Variants in STK39 observed in about 807,000 individuals in gnomAD.
The protein encoded by STK39 is serine/threonine kinase 39, also known as STE20/SPS1-related proline-alanine-rich protein kinase.
In STK39, 20 loss-of-function variants were observed where a neutral mutation model predicts 77.8. The ratio of observed to expected loss-of-function variants is 0.26; its 90% CI spans 0.18 to 0.37. The LOEUF (loss-of-function observed/expected upper bound fraction) is 0.37, where lower values mean the gene tolerates loss of function less well. STK39 is among the 10% of genes least tolerant of loss of function. The probability of loss-of-function intolerance (pLI) is 1.00; values close to 1 mark genes in which losing one functional copy is unlikely to be tolerated. For missense variants in STK39, 479 were observed against 656.5 expected (o/e 0.73, Z 2.95); for synonymous variants, 246 against 234.1 (o/e 1.05, Z -0.47).
intron 1 of STK39, among the ~76,000 whole-genome samples, chr2:168,202,459 A>G (rs1437243001): frequency 1.3e-5 from 2 of 152,172 alleles, no homozygotes; most frequent in African/African-American, 2.4e-5. Context: ...TGAGAAAACT[A>G]AGGCCCAAAG....
Position 168,194,831 on chromosome 2 carries a change from A to C in STK39, c.209-12741T>G, listed in dbSNP as rs1289723173. 2.0e-5 allele frequency among the ~76,000 whole-genome samples: 3 copies of C among 152,314 alleles called. No homozygotes were observed. The East Asian group carries it at 5.8e-4, about 29-fold the overall frequency. ...GCTATGTCTAAATTCAACCTATACA[A>C]GTTACTGGGTATGATATTATAAGAA... On this transcript the variant is annotated intron_variant, in intron 1 of 17. Transcript: ENST00000355999.
At chr2:168,206,592 C>T (rs1689749981) in intron 1 of STK39, among the ~76,000 whole-genome samples, 1 of 152,164 alleles carries the variant, frequency 6.6e-6, no homozygotes. Context: ...TGAGCCACCA[C>T]GCCCGGCTGA....
chr2:168,104,488 A>C, intron 10 of STK39, among the ~76,000 whole-genome samples: 1 of 152,174 alleles, frequency 6.6e-6, no homozygotes, highest in East Asian at 1.9e-4. Flanking sequence ...AGGAACTGTG[A>C]AGGTGTGAGC....
At chr2:167,980,711 C>T (rs1461059405) in intron 16 of STK39, among the ~76,000 whole-genome samples, 1 of 150,662 alleles carries the variant, frequency 6.6e-6, no homozygotes, top group Non-Finnish European at 1.5e-5. Flanking sequence ...TGCGGCACTG[C>T]TCTGGGGAAG....
chr2:168,155,482 C>T (rs1688402645), intron 5 of STK39, among the ~76,000 whole-genome samples: 1 of 152,156 alleles, frequency 6.6e-6, no homozygotes, highest in Non-Finnish European at 1.5e-5. Context: ...TGTCGTAATT[C>T]ATCAAACCAT....
At chr2:167,956,957 TCAC>T (rs1274774844) in intron 17 of STK39, among the ~76,000 whole-genome samples, 1 of 152,074 alleles carries the variant, frequency 6.6e-6, no homozygotes, top group East Asian at 1.9e-4. Context: ...CCCTTTCCAA[TCAC>T]CACAATTAAG....
At chr2:168,122,564 T>C (rs1687435978) in intron 10 of STK39, among the ~76,000 whole-genome samples, 1 of 152,080 alleles carries the variant, frequency 6.6e-6, no homozygotes, top group South Asian at 2.1e-4. Flanking sequence ...CTCAGCCTCC[T>C]GTGTAACTGG....
intron 10 of STK39, among the ~76,000 whole-genome samples, chr2:168,082,014 C>T (rs555275622): frequency 1.2e-3 from 181 of 152,196 alleles, no homozygotes; most frequent in African/African-American, 4.0e-3. Context: ...TTATCAGCAG[C>T]GCAAAAACAT....
chr2:168,203,593 A>G (rs1313070545), intron 1 of STK39, among the ~76,000 whole-genome samples: 1 of 152,144 alleles, frequency 6.6e-6, no homozygotes, highest in African/African-American at 2.4e-5. Flanking sequence ...AGCGTCAGAG[A>G]TGAGTCTTGT....
In STK39 at chr2:168,138,051, A is replaced by C. The variant is rs751627251; in HGVS notation, c.974+37T>G. 24 of 1,602,986 alleles carry C rather than the reference A, an allele frequency of 1.5e-5. 1 individual carries two copies. The East Asian group carries it at 3.8e-4, about 25-fold the overall frequency. On this transcript the variant is annotated intron_variant, in intron 8 of 17. Coordinates refer to ENST00000355999, the MANE Select transcript of STK39 (RefSeq NM_013233.3). ...ACAAACAAAGCTTTGTCATGGCTCAAACCAGGTCATTAACTCATCCACTAA... is the reference window on the plus strand; with the variant it reads ...ACAAACAAAGCTTTGTCATGGCTCACACCAGGTCATTAACTCATCCACTAA...
At chr2:168,051,946 G>A (rs929169554) in intron 14 of STK39, among the ~76,000 whole-genome samples, 2 of 151,220 alleles carry the variant, frequency 1.3e-5, no homozygotes, top group Non-Finnish European at 2.9e-5. Flanking sequence ...GCTGATAGGT[G>A]TTTGGCTTCA....
intron 1 of STK39, among the ~76,000 whole-genome samples, chr2:168,236,136 T>C (rs1690600405): frequency 6.6e-6 from 1 of 152,116 alleles, no homozygotes; most frequent in Admixed American, 6.6e-5. Context: ...GACTTTTTAA[T>C]GATCACCATT....
At chr2:168,209,129 T>G (rs1224069341) in intron 1 of STK39, among the ~76,000 whole-genome samples, 1 of 152,152 alleles carries the variant, frequency 6.6e-6, no homozygotes, top group Admixed American at 6.5e-5. Context: ...CCTAGAATCT[T>G]AGATTCTACC....
chr2:167,963,232 C>A (rs1160877904), intron 17 of STK39, among the ~76,000 whole-genome samples: 2 of 151,972 alleles, frequency 1.3e-5, no homozygotes, highest in Non-Finnish European at 2.9e-5. Context: ...AACATATAAG[C>A]TGATTAGGAG....
intron 1 of STK39, among the ~76,000 whole-genome samples, chr2:168,232,436 T>TA (rs1690482168): frequency 1.3e-5 from 2 of 152,164 alleles, no homozygotes; most frequent in Non-Finnish European, 2.9e-5. Flanking sequence ...TTTAAACAAC[T>TA]ACATATGGCT....
At chr2:168,101,790 A>C (rs1049089017) in intron 10 of STK39, among the ~76,000 whole-genome samples, 1 of 152,210 alleles carries the variant, frequency 6.6e-6, no homozygotes, top group African/African-American at 2.4e-5. Flanking sequence ...TTTTATTGAG[A>C]GATAATCCAC....
intron 10 of STK39, among the ~76,000 whole-genome samples, chr2:168,106,904 T>C (rs1419937921): frequency 1.3e-5 from 2 of 152,182 alleles, no homozygotes; most frequent in East Asian, 3.8e-4. Flanking sequence ...AGTATGTGGA[T>C]ATAATCTAGA....
At chr2:168,116,060 A>G (rs895864) in intron 10 of STK39, among the ~76,000 whole-genome samples, 145,657 of 152,244 alleles carry the variant, frequency 0.96, 69,832 homozygotes, top group East Asian at 1. Flanking sequence ...GCTGGAGTCT[A>G]TCTCAAGAGC....
chr2:167,956,183 T>C (rs1402624278), intron 17 of STK39, among the ~76,000 whole-genome samples: 1 of 152,222 alleles, frequency 6.6e-6, no homozygotes, highest in East Asian at 1.9e-4. Context: ...TTCAGACATA[T>C]TAATTGCCTA....
Sources: gnomAD v4.1 joint callset for allele counts (sites outside exome capture counted in the v4.1 genomes callset) on GRCh38, gnomAD v4.1.1 for gene constraint, MANE v1.5 for transcripts, NCBI Gene and HGNC (gene_info 2026-07-23, HGNC 2026-07-21) for gene names.